Variants in FUT8 observed in about 807,000 individuals in gnomAD.
The protein encoded by FUT8 is fucosyltransferase 8, also known as alpha-(1,6)-fucosyltransferase.
In FUT8, 29 loss-of-function variants were observed where a neutral mutation model predicts 71.3. That is an observed-to-expected ratio of 0.41 (90% CI 0.30 to 0.55). The LOEUF (loss-of-function observed/expected upper bound fraction) is 0.55, where lower values mean the gene tolerates loss of function less well. Ranked by LOEUF, FUT8 falls within the 20% of genes least tolerant of loss-of-function variation. FUT8 has a pLI of 0.34. For synonymous variants in FUT8, 254 were observed against 239.3 expected, an observed-to-expected ratio of 1.06 and a Z score of -0.57; for missense variants, 544 against 702.1, an observed-to-expected ratio of 0.77 and a Z score of 2.55.
chr14:65,422,093 G>T (rs1374757464), intron 1 of FUT8, among the ~76,000 whole-genome samples: 1 of 152,094 alleles, frequency 6.6e-6, no homozygotes, highest in Non-Finnish European at 1.5e-5. Flanking sequence ...AGCACCTTTG[G>T]TGTTGAACTC....
At chr14:65,557,479 C>T (rs1248467845) in intron 2 of FUT8, among the ~76,000 whole-genome samples, 1 of 151,594 alleles carries the variant, frequency 6.6e-6, no homozygotes, top group Non-Finnish European at 1.5e-5. Context: ...TTATAGGCAC[C>T]CACCACCATG....
the FUT8 span, among the ~76,000 whole-genome samples, chr14:65,388,112 T>G: frequency 6.6e-6 from 1 of 152,194 alleles, no homozygotes; most frequent in Non-Finnish European, 1.5e-5. Context: ...ATAGAGAAAC[T>G]GTTGTATCTT....
Position 65,742,093 on chromosome 14 carries a change from G to T in FUT8, c.1411G>T (p.Val471Phe). 1 of 1,609,320 alleles carries T rather than the reference G, an allele frequency of 6.2e-7. No individual in the cohort carries two copies. Among genetic ancestry groups the T allele is most frequent in the Non-Finnish European group, 8.5e-7 (1 of 1,176,662 alleles). Reference sequence around the variant, plus strand: ...AATTTCTTTTAAATTCTTTCCCAAGGTCTGTCGAGTTGCTTATGAAATTAT... The same window carrying T: ...AATTTCTTTTAAATTCTTTCCCAAGTTCTGTCGAGTTGCTTATGAAATTAT... ...DFLVCTFSSQ[V>F]CRVAYEIMQT... Residue 471 changes from valine (V) to phenylalanine (F), a missense_variant and splice_region_variant, in exon 11 of 11, where the codon GTC (valine) becomes TTC (phenylalanine). Physicochemically the swap from Val to Phe is conservative, Grantham distance 50. Coordinates refer to ENST00000673929, the MANE Select transcript of FUT8 (RefSeq NM_001371533.1).
chr14:65,685,835 GCATAT>G (rs1893261480), intron 7 of FUT8, among the ~76,000 whole-genome samples: 2 of 152,210 alleles, frequency 1.3e-5, no homozygotes, highest in Non-Finnish European at 2.9e-5. Flanking sequence ...ATTATAATTA[GCATAT>G]AATGAGCAGT....
the FUT8 span, among the ~76,000 whole-genome samples, chr14:65,388,900 A>G: frequency 6.6e-6 from 1 of 152,186 alleles, no homozygotes; most frequent in Non-Finnish European, 1.5e-5. Flanking sequence ...TCAAAGAAAA[A>G]TTGTGAAATT....
intron 2 of FUT8, among the ~76,000 whole-genome samples, chr14:65,460,619 A>T (rs1245646977): frequency 6.6e-6 from 1 of 152,154 alleles, no homozygotes; most frequent in South Asian, 2.1e-4. Flanking sequence ...GGATTATCTG[A>T]TGCTAGCTTA....
At chr14:65,402,442 G>A in the FUT8 span, among the ~76,000 whole-genome samples, 2 of 152,024 alleles carry the variant, frequency 1.3e-5, no homozygotes, top group Admixed American at 1.3e-4. Context: ...GCCGAGGCGG[G>A]TGGATCACAA....
intron 3 of FUT8, among the ~76,000 whole-genome samples, chr14:65,592,895 A>G (rs966066447): frequency 6.6e-6 from 1 of 152,190 alleles, no homozygotes; most frequent in Non-Finnish European, 1.5e-5. Context: ...TTCAATAGAC[A>G]TTTCTTGGAC....
chr14:65,550,885 C>T lies in FUT8; in HGVS notation c.-227-10452C>T, dbSNP rs866150296. Among the ~76,000 whole-genome samples, 2 of 152,022 alleles carry T rather than the reference C, an allele frequency of 1.3e-5. No individual in the cohort carries two copies. Among genetic ancestry groups the T allele is most frequent in the African/African-American group, 2.4e-5 (1 of 41,358 alleles). On this transcript the variant is annotated intron_variant, in intron 2 of 10. Transcript: ENST00000673929. This position sits in a 1 kb window ranked among gnomAD's most constrained non-coding sequence, Gnocchi z 4.5. ...CTGTACTTCTGTTGATGGGCAATTA[C>T]GTTGTTTTTCCAGTTTAGTGCTGTT...
intron 1 of FUT8, among the ~76,000 whole-genome samples, chr14:65,421,195 A>G (rs376871589): frequency 5.0e-3 from 33 of 6,536 alleles, no homozygotes; most frequent in Non-Finnish European, 0.012. Context: ...CCATCTCAGG[A>G]AAAAAAAAAA....
At chr14:65,459,191 A>G (rs2065938045) in intron 2 of FUT8, among the ~76,000 whole-genome samples, 1 of 152,138 alleles carries the variant, frequency 6.6e-6, no homozygotes, top group South Asian at 2.1e-4. Flanking sequence ...CAAATACAAC[A>G]CAGAGTCAAA....
Position 65,607,493 on chromosome 14 carries a change from T to C in FUT8, c.204-8485T>C, listed in dbSNP as rs1888646731. ...ATTTGTTAATGTAATCAATTTAAAT[T>C]AATAGTTTTTCTAATCGTAAACCAA... On this transcript the variant is annotated intron_variant, in intron 3 of 10. Coordinates refer to ENST00000673929, the MANE Select transcript of FUT8 (RefSeq NM_001371533.1). The surrounding 1 kb of genome is among the most constrained non-coding windows in gnomAD (Gnocchi z 4.1). Among the ~76,000 whole-genome samples, 3 of 151,930 alleles carry C rather than the reference T, an allele frequency of 2.0e-5. No homozygotes were observed. Among genetic ancestry groups the C allele is most frequent in the African/African-American group, 4.8e-5 (2 of 41,428 alleles).
the FUT8 span, among the ~76,000 whole-genome samples, chr14:65,358,706 C>T: frequency 1.3e-5 from 2 of 152,156 alleles, no homozygotes; most frequent in Admixed American, 6.5e-5. Context: ...CCATCTTGGC[C>T]TCCCAAAGTG....
At chr14:65,708,716 T>C (rs1894676420) in intron 7 of FUT8, among the ~76,000 whole-genome samples, 1 of 152,214 alleles carries the variant, frequency 6.6e-6, no homozygotes, top group Non-Finnish European at 1.5e-5. Flanking sequence ...ATTTGTTCAT[T>C]AGTTCTGACA....
Position 65,643,103 on chromosome 14 carries a change from A to C in FUT8, c.597+13497A>C, listed in dbSNP as rs933424232. Among the ~76,000 whole-genome samples the C allele has an allele frequency of 2.0e-5, 3 of 152,166 alleles. No individual in the cohort carries two copies. The highest frequency in any genetic ancestry group is 6.5e-5 in the Admixed American group (1 of 15,282). On this transcript the variant is annotated intron_variant, in intron 6 of 10. Transcript: ENST00000673929. The surrounding 1 kb of genome is among the most constrained non-coding windows in gnomAD (Gnocchi z 4.5). ...AAACTAAAATCCTTACCAAAGTCCAAATTTCAGCTTTTAGGTTTTCTTAGC... is the reference window on the plus strand; with the variant it reads ...AAACTAAAATCCTTACCAAAGTCCACATTTCAGCTTTTAGGTTTTCTTAGC...
rs533767021 is a variant in FUT8, at chr14:65,426,882, G to A, written c.-326+13668G>A. 7.9e-5 allele frequency among the ~76,000 whole-genome samples: 12 copies of A among 151,712 alleles called. No individual in the cohort carries two copies. In the South Asian group the frequency reaches 2.5e-3, roughly 32 times the overall value. Reference sequence around the variant, plus strand: ...CATTTTCTTTCTTTTTTTTTGAGACGGAGTCTCTCTTTGTCGCCCAGGCTG... The same window carrying A: ...CATTTTCTTTCTTTTTTTTTGAGACAGAGTCTCTCTTTGTCGCCCAGGCTG... On this transcript the variant is annotated intron_variant, in intron 1 of 10. Transcript: ENST00000673929.
At chr14:65,697,934 C>T (rs1005187645) in intron 7 of FUT8, among the ~76,000 whole-genome samples, 2 of 151,224 alleles carry the variant, frequency 1.3e-5, no homozygotes, top group Admixed American at 1.3e-4. Context: ...GAGATCACGC[C>T]ATTCTGAGAT....
chr14:65,713,918 G>A (rs1220468447), intron 7 of FUT8, among the ~76,000 whole-genome samples: 2 of 152,184 alleles, frequency 1.3e-5, no homozygotes, highest in African/African-American at 4.8e-5. Flanking sequence ...CTGTGTTTAT[G>A]TGGTATTACT....
chr14:65,670,750 CTT>C (rs1892438487), intron 7 of FUT8, among the ~76,000 whole-genome samples: 2 of 152,098 alleles, frequency 1.3e-5, no homozygotes, highest in African/African-American at 2.4e-5. Flanking sequence ...ATATCTGACT[CTT>C]TGCAGAAGTG....
Sources: gnomAD v4.1 joint callset for allele counts (sites outside exome capture counted in the v4.1 genomes callset) on GRCh38, gnomAD v4.1.1 for gene constraint, Gnocchi (gnomAD v3.1) non-coding constraint, MANE v1.5 for transcripts, NCBI Gene and HGNC (gene_info 2026-07-23, HGNC 2026-07-21) for gene names.